Variants in EIF3E observed in about 807,000 individuals in gnomAD.
EIF3E encodes the protein eIF-3 p48.
In EIF3E, 25 loss-of-function variants were observed where a neutral mutation model predicts 59.3. That is an observed-to-expected ratio of 0.42 (90% CI 0.31 to 0.59). EIF3E has a LOEUF of 0.59. Ranked by LOEUF, EIF3E falls within the 20% of genes least tolerant of loss-of-function variation. The pLI, the probability that EIF3E is intolerant of heterozygous loss-of-function variation, is 0.15. For missense variants in EIF3E, 317 were observed against 534.3 expected, an observed-to-expected ratio of 0.59 and a Z score of 4.01; for synonymous variants, 176 against 170.2, an observed-to-expected ratio of 1.03 and a Z score of -0.26.
intron 3 of EIF3E, among the ~76,000 whole-genome samples, chr8:108,237,239 C>T (rs1412615907): frequency 6.6e-6 from 1 of 151,994 alleles, no homozygotes; most frequent in Admixed American, 6.6e-5. Context: ...AGTTGCCCAC[C>T]TTATGAGCAT....
chr8:108,236,036 TTA>T, intron 4 of EIF3E, 123 bp downstream of exon 4: 1 of 732,538 alleles, frequency 1.4e-6, no homozygotes, highest in Non-Finnish European at 2.0e-6. Context: ...TAACCAGATT[TTA>T]TAATTAATAA....
At chr8:108,208,720 C>T (rs1049219775) in intron 10 of EIF3E, among the ~76,000 whole-genome samples, 1 of 151,778 alleles carries the variant, frequency 6.6e-6, no homozygotes, top group African/African-American at 2.4e-5. Flanking sequence ...TTAAGTAACC[C>T]CCATTGGGAA....
At chr8:108,239,863 A>T (rs1261110962) in intron 3 of EIF3E, 95 bp downstream of exon 3, 2 of 995,212 alleles carry the variant, frequency 2.0e-6, no homozygotes, top group Non-Finnish European at 3.1e-6. Context: ...TTAAACCATG[A>T]ACTTTTACTA....
At chr8:108,238,890 A>C (rs1208946588) in intron 3 of EIF3E, among the ~76,000 whole-genome samples, 3 of 152,216 alleles carry the variant, frequency 2.0e-5, no homozygotes, top group African/African-American at 7.2e-5. Context: ...AATTTTAGTA[A>C]GAGATTTTAT....
chr8:108,248,644 A>G lies in EIF3E; in HGVS notation c.59T>C (p.Phe20Ser). The change falls in exon 1 of 13, where the codon TTT becomes TCT. Residue 20 changes from phenylalanine (F) to serine (S), a missense_variant. Transcript: ENST00000220849. Reference sequence around the variant, plus strand: ...TACAGAGAGAAATTCAAGAAGCGGAAAGACTAGATGCCGATCCAAAAAGTG... The same window carrying G: ...TACAGAGAGAAATTCAAGAAGCGGAGAGACTAGATGCCGATCCAAAAAGTG... ...IAHFLDRHLV[F>S]PLLEFLSVKE... 6.2e-7 allele frequency: 1 copy of G among 1,614,176 alleles called. No homozygotes were observed. The highest frequency in any genetic ancestry group is 8.5e-7 in the Non-Finnish European group (1 of 1,180,022).
chr8:108,229,785 C>CTA (rs1815587151), intron 5 of EIF3E, among the ~76,000 whole-genome samples: 1 of 152,036 alleles, frequency 6.6e-6, no homozygotes, highest in Non-Finnish European at 1.5e-5. Context: ...AACAAAAACC[C>CTA]TATATTTTTT....
At chr8:108,224,175 T>C (rs997815227) in intron 7 of EIF3E, among the ~76,000 whole-genome samples, 6 of 151,236 alleles carry the variant, frequency 4.0e-5, no homozygotes, top group South Asian at 4.1e-4. Context: ...TGAGCCGAGA[T>C]TGCGCCACTG....
chr8:108,201,315 A>C lies in EIF3E; in HGVS notation c.*570T>G, dbSNP rs1814992618. 6.8e-6 allele frequency: 1 copy of C among 147,904 alleles called. No individual in the cohort carries two copies. The highest frequency in any genetic ancestry group is 1.5e-5 in the Non-Finnish European group (1 of 67,126). 9.2% of individuals were successfully genotyped at this position (147,904 alleles called of 1,614,324 possible). A position where few individuals can be genotyped will look rare whatever the true frequency, so the allele number is the denominator to read the frequency against. ...TCAAGAGCATTGTGATGAATGAAAAAAGCTAATCTCAAAGGTTGTGTATTA... is the reference window on the plus strand; with the variant it reads ...TCAAGAGCATTGTGATGAATGAAAACAGCTAATCTCAAAGGTTGTGTATTA... On this transcript the variant is annotated 3_prime_UTR_variant, in exon 13 of 13. Coordinates refer to ENST00000220849, the MANE Select transcript of EIF3E (RefSeq NM_001568.3).
intron 1 of EIF3E, among the ~76,000 whole-genome samples, chr8:108,247,166 T>C (rs961953327): frequency 1.4e-4 from 21 of 152,226 alleles, no homozygotes; most frequent in African/African-American, 3.9e-4. Flanking sequence ...CTGCAGTTCA[T>C]AGTTTTCGTC....
At chr8:108,213,163 C>T (rs532970981) in intron 10 of EIF3E, among the ~76,000 whole-genome samples, 2 of 152,254 alleles carry the variant, frequency 1.3e-5, no homozygotes, top group South Asian at 2.1e-4. Context: ...ATCTATGTTC[C>T]TCTTAAAAGA....
At chr8:108,223,161 T>A (rs1291284810) in intron 7 of EIF3E, among the ~76,000 whole-genome samples, 1 of 152,138 alleles carries the variant, frequency 6.6e-6, no homozygotes, top group East Asian at 1.9e-4. Context: ...CAGCTTTAAG[T>A]AACTAAACAC....
chr8:108,206,280 G>A (rs1281196656), intron 10 of EIF3E, among the ~76,000 whole-genome samples: 2 of 151,692 alleles, frequency 1.3e-5, no homozygotes, highest in Non-Finnish European at 2.9e-5. Flanking sequence ...AGCTGAGATG[G>A]CATCACTGCA....
intron 9 of EIF3E, among the ~76,000 whole-genome samples, chr8:108,216,037 C>G (rs1257975330): frequency 6.6e-6 from 1 of 152,088 alleles, no homozygotes; most frequent in Admixed American, 6.5e-5. Flanking sequence ...ATTTGCAATT[C>G]AAAGTGACCT....
intron 7 of EIF3E, among the ~76,000 whole-genome samples, chr8:108,218,217 T>C (rs1274438130): frequency 6.6e-6 from 1 of 152,192 alleles, no homozygotes; most frequent in Non-Finnish European, 1.5e-5. Context: ...TAGGTGAATA[T>C]TCAAGCCCCA....
At position 108,228,291 on chromosome 8, in the gene EIF3E, A is replaced by G; in HGVS notation, c.698T>C (p.Ile233Thr). The stretch of plus-strand genomic sequence containing the variant: ...CTGTGGCTGATAAAGGAAGAGGTCA[A>G]TAATATTATCGCGACCTTTGGGGTG... ...FNHPKGRDNIIDLFLYQPQYL... is the reference protein window; with the variant it reads ...FNHPKGRDNITDLFLYQPQYL... The change falls in exon 7 of 13, where the codon ATT (isoleucine) becomes ACT (threonine). Residue 233 changes from isoleucine (I) to threonine (T), a missense_variant. By Grantham distance (89) the Ile-to-Thr change is moderately conservative. Coordinates refer to ENST00000220849, the MANE Select transcript of EIF3E (RefSeq NM_001568.3). The G allele has an allele frequency of 1.9e-6, 3 of 1,603,882 alleles. No homozygotes were observed. The highest frequency in any genetic ancestry group is 2.6e-6 in the Non-Finnish European group (3 of 1,175,158).
In EIF3E at chr8:108,203,455, C is replaced by A. The variant is rs1259491271; in HGVS notation, c.1110G>T (p.Trp370Cys). The change falls in exon 11 of 13, where the codon TGG becomes TGT. Residue 370 changes from tryptophan (W) to cysteine (C), a missense_variant. Trp to Cys is a radical substitution (Grantham distance 215, BLOSUM62 -2). Around this residue, in one of 4 missense-constraint regions of EIF3E, gnomAD observed 45 missense variants for 97.8 expected, o/e 0.46. Coordinates refer to ENST00000220849, the MANE Select transcript of EIF3E (RefSeq NM_001568.3). ...TTGCATTTCTAATCAAATTTACAAT[C>A]CACCTTTCAGCTTCTTCTGGAGTCA... ...LNMTPEEAERWIVNLIRNARL... is the reference protein window; with the variant it reads ...LNMTPEEAERCIVNLIRNARL... 1.9e-6 allele frequency: 3 copies of A among 1,612,706 alleles called. No individual in the cohort carries two copies. Among genetic ancestry groups the A allele is most frequent in the African/African-American group, 1.3e-5 (1 of 74,846 alleles).
chr8:108,215,802 CTTAGT>C (rs1815291173), intron 9 of EIF3E, among the ~76,000 whole-genome samples: 2 of 152,108 alleles, frequency 1.3e-5, no homozygotes, highest in African/African-American at 4.8e-5. Flanking sequence ...AGTTAGAATT[CTTAGT>C]TTAGTTTCTT....
chr8:108,244,609 C>A (rs773448394), intron 1 of EIF3E, among the ~76,000 whole-genome samples: 1 of 152,050 alleles, frequency 6.6e-6, no homozygotes, highest in Non-Finnish European at 1.5e-5. Flanking sequence ...ACCCCTTCCA[C>A]CATTACCATT....
At chr8:108,227,067 G>A (rs980158160) in intron 7 of EIF3E, among the ~76,000 whole-genome samples, 4 of 152,330 alleles carry the variant, frequency 2.6e-5, no homozygotes, top group East Asian at 3.9e-4. Context: ...GCTCATGCCT[G>A]TAATCTCAGC....
Sources: gnomAD v4.1 joint callset for allele counts (sites outside exome capture counted in the v4.1 genomes callset) on GRCh38, gnomAD v4.1.1 for gene constraint, gnomAD v4.1.1 regional missense constraint, MANE v1.5 for transcripts, NCBI Gene and HGNC (gene_info 2026-07-23, HGNC 2026-07-21) for gene names.